FAM193A: variants seen among roughly 807,000 people sequenced by gnomAD.
The protein encoded by FAM193A is family with sequence similarity 193 member A.
A neutral mutation model predicts 126.5 loss-of-function variants in FAM193A; 22 were observed. The observed-to-expected ratio is 0.17, with a 90% CI of 0.12 to 0.25. FAM193A has a LOEUF of 0.25. Among genes scored for constraint, FAM193A ranks in the 10% least tolerant of loss-of-function variants. FAM193A has a pLI of 1.00. For synonymous variants in FAM193A, 761 were observed against 646.8 expected (o/e 1.18, Z -2.68); for missense variants, 1,675 against 1,672.8 (o/e 1.00, Z -0.02).
chr4:2,727,836 C>A (rs556294287), intron 20 of FAM193A, among the ~76,000 whole-genome samples: 2 of 151,890 alleles, frequency 1.3e-5, no homozygotes, highest in East Asian at 3.9e-4. Context: ...AAAAGACTTT[C>A]TAAAAATGAA....
intron 12 of FAM193A, among the ~76,000 whole-genome samples, chr4:2,668,097 G>A (rs1482979203): frequency 6.6e-6 from 1 of 151,824 alleles, no homozygotes; most frequent in African/African-American, 2.4e-5. Context: ...TAGAGACAAG[G>A]TCTCCCTGTG....
At chr4:2,702,433 T>TCC (rs1262824261) in intron 19 of FAM193A, among the ~76,000 whole-genome samples, 1 of 152,232 alleles carries the variant, frequency 6.6e-6, no homozygotes, top group Non-Finnish European at 1.5e-5. Flanking sequence ...GGAGCCCTCC[T>TCC]CTTTCTTCAA....
chr4:2,694,823 T>A (rs921523088), intron 16 of FAM193A, 123 bp from the exon 17 acceptor site: 10 of 778,232 alleles, frequency 1.3e-5, no homozygotes, highest in Non-Finnish European at 1.8e-5. Flanking sequence ...CCTGGGACTA[T>A]GCACCCTCTG....
intron 20 of FAM193A, among the ~76,000 whole-genome samples, chr4:2,716,796 C>T (rs573442416): frequency 6.6e-6 from 1 of 152,178 alleles, no homozygotes; most frequent in African/African-American, 2.4e-5. Context: ...CCTGCCTCAG[C>T]CTCCAGACTA....
intron 2 of FAM193A, among the ~76,000 whole-genome samples, chr4:2,609,912 A>G (rs1289717551): frequency 1.2e-4 from 18 of 148,062 alleles, no homozygotes; most frequent in African/African-American, 4.5e-4. Context: ...CTAATGACAG[A>G]GCGAGACTCC....
intron 2 of FAM193A, among the ~76,000 whole-genome samples, chr4:2,612,520 A>G (rs754308027): frequency 5.3e-5 from 8 of 151,934 alleles, no homozygotes; most frequent in South Asian, 2.1e-4. Flanking sequence ...CAAACAAAAA[A>G]GTTTTTTTTG....
chr4:2,718,426 T>C (rs1034155079), intron 20 of FAM193A, among the ~76,000 whole-genome samples: 4 of 148,428 alleles, frequency 2.7e-5, no homozygotes, highest in Admixed American at 6.7e-5. Flanking sequence ...TGTCAGTAAT[T>C]AAAAAAAAAA....
At chr4:2,628,614 G>A (rs1354088337) in intron 4 of FAM193A, among the ~76,000 whole-genome samples, 3 of 152,098 alleles carry the variant, frequency 2.0e-5, no homozygotes, top group Non-Finnish European at 4.4e-5. Context: ...ACCAGCCTGG[G>A]CAACAGAGTA....
At chr4:2,688,647 C>T (rs1186489784) in intron 13 of FAM193A, among the ~76,000 whole-genome samples, 4 of 152,222 alleles carry the variant, frequency 2.6e-5, no homozygotes, top group Non-Finnish European at 5.9e-5. Flanking sequence ...AGGGGAGTGA[C>T]ATGCTCGAAT....
rs191701787 is a variant in FAM193A, at chr4:2,628,972, C to G, written c.804-1963C>G. Among the ~76,000 whole-genome samples, 639 of 152,004 alleles carry G rather than the reference C, an allele frequency of 4.2e-3. 1 individual carries two copies. Among genetic ancestry groups the G allele is most frequent in the African/African-American group, 0.015 (615 of 41,434 alleles). The stretch of plus-strand genomic sequence containing the variant: ...GGTTCATGCCATTCTCCTGCCTCAG[C>G]CTCGCGAGTAGCTGGGACTACAGGC... On this transcript the variant is annotated intron_variant, in intron 4 of 20. Transcript: ENST00000637812.
intron 1 of FAM193A, among the ~76,000 whole-genome samples, chr4:2,562,857 T>A (rs1165289325): frequency 2.0e-5 from 3 of 151,888 alleles, no homozygotes; most frequent in Non-Finnish European, 4.4e-5. Flanking sequence ...CTGGAACTCC[T>A]GACCTCATGA....
rs190066042 is a variant in FAM193A, at chr4:2,576,313, T to G, written c.256-19771T>G. ...CGGGGTTTCACTATGTTGGCCAGGCTGGTCTTGAACTCCTGACCTCGTGAT... is the reference window on the plus strand; with the variant it reads ...CGGGGTTTCACTATGTTGGCCAGGCGGGTCTTGAACTCCTGACCTCGTGAT... On this transcript the variant is annotated intron_variant, in intron 1 of 20. Transcript: ENST00000637812. Among the ~76,000 whole-genome samples, 46 of 152,190 alleles carry G rather than the reference T, an allele frequency of 3.0e-4. No homozygotes were observed. In the East Asian group the frequency reaches 8.7e-3, roughly 29 times the overall value.
intron 7 of FAM193A, among the ~76,000 whole-genome samples, chr4:2,650,458 G>A (rs1197957485): frequency 1.3e-5 from 2 of 152,144 alleles, no homozygotes; most frequent in East Asian, 1.9e-4. Flanking sequence ...TCTCGTCACC[G>A]GGGCTCAAGG....
chr4:2,593,021 GC>G (rs1431195931), intron 1 of FAM193A, among the ~76,000 whole-genome samples: 1 of 152,104 alleles, frequency 6.6e-6, no homozygotes, highest in Non-Finnish European at 1.5e-5. Flanking sequence ...TTCTGATGCT[GC>G]CTTACAGAGC....
chr4:2,659,836 C>G lies in FAM193A; in HGVS notation c.1527C>G (p.Leu509=). The stretch of plus-strand genomic sequence containing the variant: ...GATGTGCTTGCGATGACTGCAGTCT[C>G]TCACACATCCTCACGTGTGGTATCA... The part of the protein sequence containing the change: ...RRRCACDDCS[L]SHILTCGIMD... Residue 509 remains leucine (L), a synonymous_variant, in exon 10 of 21, where the codon CTC becomes CTG. Transcript: ENST00000637812. 1 of 1,614,168 alleles carries G rather than the reference C, an allele frequency of 6.2e-7. No individual in the cohort carries two copies. The highest frequency in any genetic ancestry group is 8.5e-7 in the Non-Finnish European group (1 of 1,180,042).
At chr4:2,550,281 A>C (rs1203750550) in intron 1 of FAM193A, among the ~76,000 whole-genome samples, 1 of 151,616 alleles carries the variant, frequency 6.6e-6, no homozygotes, top group South Asian at 2.1e-4. Context: ...CCTGGCCTCT[A>C]GTCATCTACC....
At chr4:2,581,260 T>G (rs1178690197) in intron 1 of FAM193A, among the ~76,000 whole-genome samples, 1 of 150,584 alleles carries the variant, frequency 6.6e-6, no homozygotes, top group South Asian at 2.1e-4. Flanking sequence ...TCTTTCTTTT[T>G]TTTTTTTTTT....
chr4:2,582,411 A>G (rs1197096488), intron 1 of FAM193A, among the ~76,000 whole-genome samples: 1 of 152,204 alleles, frequency 6.6e-6, no homozygotes, highest in African/African-American at 2.4e-5. Flanking sequence ...CTGGGATTAC[A>G]GGCACGAGCC....
At chr4:2,682,438 A>G (rs1456675957) in intron 13 of FAM193A, among the ~76,000 whole-genome samples, 2 of 152,212 alleles carry the variant, frequency 1.3e-5, no homozygotes, top group African/African-American at 2.4e-5. Context: ...AGCTGGGACT[A>G]TAGGCACATG....
Sources: gnomAD v4.1 joint callset for allele counts (sites outside exome capture counted in the v4.1 genomes callset) on GRCh38, gnomAD v4.1.1 for gene constraint, MANE v1.5 for transcripts, NCBI Gene and HGNC (gene_info 2026-07-23, HGNC 2026-07-21) for gene names.